Variants in VPS8 observed in about 807,000 individuals in gnomAD.
VPS8 encodes vacuolar protein sorting-associated protein 8 homolog.
In VPS8, 129 loss-of-function variants were observed where a neutral mutation model predicts 216.4. That is an observed-to-expected ratio of 0.60 (90% CI 0.52 to 0.69). VPS8 has a LOEUF of 0.69. Among genes scored for constraint, VPS8 ranks in the 30% least tolerant of loss-of-function variants. VPS8 has a pLI of 0.00. For missense variants in VPS8, 1,531 were observed against 1,683.5 expected (o/e 0.91, Z 1.59); for synonymous variants, 571 against 565.4 (o/e 1.01, Z -0.14).
chr3:184,860,200 CGAGGCTCG>C, intron 15 of VPS8, 135 bp downstream of exon 15: 1 of 761,972 alleles, frequency 1.3e-6, no homozygotes, highest in South Asian at 2.2e-5. Flanking sequence ...AGTCCGGCAC[CGAGGCTCG>C]TGCCTGTAGT....
At chr3:184,937,507 T>C (rs1741852128) in intron 35 of VPS8, among the ~76,000 whole-genome samples, 1 of 152,180 alleles carries the variant, frequency 6.6e-6, no homozygotes, top group African/African-American at 2.4e-5. Flanking sequence ...TTTCTTAAAT[T>C]TTTCCTCTAG....
In VPS8 at chr3:184,930,457, T is replaced by C. The variant is rs1430137193; in HGVS notation, c.2800-13T>C. 6.3e-7 allele frequency: 1 copy of C among 1,584,452 alleles called. No individual in the cohort carries two copies. The highest frequency in any genetic ancestry group is 1.3e-5 in the African/African-American group (1 of 74,232). On this transcript the variant is annotated splice_polypyrimidine_tract_variant and intron_variant, in intron 33 of 47. Transcript: ENST00000625842. ...GAGTGAATGAATAAATTATATTGTC[T>C]TGTGCTCTTCAGGAAGAAGTCTTTA...
intron 46 of VPS8, 91 bp downstream of exon 46, chr3:185,024,480 T>A: frequency 7.7e-7 from 1 of 1,298,874 alleles, no homozygotes; most frequent in Non-Finnish European, 1.1e-6. Context: ...GCAATGATTT[T>A]TAATCATCTT....
chr3:184,817,714 T>G (rs1230166052), intron 1 of VPS8, among the ~76,000 whole-genome samples: 1 of 152,372 alleles, frequency 6.6e-6, no homozygotes, highest in African/African-American at 2.4e-5. Flanking sequence ...ATAGATTTAA[T>G]TTGCAACACA....
At chr3:185,045,573 C>A (rs376688402) in intron 46 of VPS8, among the ~76,000 whole-genome samples, 95 of 152,196 alleles carry the variant, frequency 6.2e-4, no homozygotes, top group Middle Eastern at 3.4e-3. Context: ...GAATTCAAGA[C>A]CAGCCTGACC....
In VPS8 at chr3:184,915,021, C is replaced by T. The variant is rs770745576; in HGVS notation, c.2230C>T (p.Pro744Ser). ...AGRAYPLGDIPEDLVPLVKNQ... is the reference protein window; with the variant it reads ...AGRAYPLGDISEDLVPLVKNQ... ...TCGTGCCTATCCCCTTGGTGACATC[C>T]CTGAAGATCTGGTTCCCTTGGTTAA... Residue 744 changes from proline (P) to serine (S), a missense_variant, in exon 27 of 48, where the codon CCT becomes TCT. By Grantham distance (74) the Pro-to-Ser change is moderately conservative. Transcript: ENST00000625842. The T allele has an allele frequency of 6.2e-7, 1 of 1,613,922 alleles. No homozygotes were observed. The highest frequency in any genetic ancestry group is 8.5e-7 in the Non-Finnish European group (1 of 1,179,864).
chr3:184,837,687 G>A (rs1721370674), intron 5 of VPS8, among the ~76,000 whole-genome samples: 1 of 152,150 alleles, frequency 6.6e-6, no homozygotes, highest in Non-Finnish European at 1.5e-5. Flanking sequence ...GTTAAATAGA[G>A]TCTGTAGAGT....
intron 22 of VPS8, among the ~76,000 whole-genome samples, chr3:184,887,483 T>C (rs1225882400): frequency 1.3e-5 from 2 of 152,186 alleles, no homozygotes; most frequent in Non-Finnish European, 2.9e-5. Context: ...CTAATTTTTG[T>C]AGCAATTTAT....
intron 39 of VPS8, 79 bp from the exon 40 acceptor site, chr3:184,971,567 AAAG>A: frequency 2.0e-6 from 2 of 1,011,146 alleles, no homozygotes; most frequent in South Asian, 1.6e-5. Context: ...ATGCAAAGAA[AAAG>A]AAGTTTAACT....
At chr3:184,988,393 G>A (rs2109808615) in intron 42 of VPS8, among the ~76,000 whole-genome samples, 1 of 152,320 alleles carries the variant, frequency 6.6e-6, no homozygotes, top group South Asian at 2.1e-4. Flanking sequence ...AATATACACA[G>A]TTGGAACTAG....
intron 28 of VPS8, among the ~76,000 whole-genome samples, chr3:184,918,458 A>G (rs144837967): frequency 1.3e-5 from 2 of 152,328 alleles, no homozygotes; most frequent in East Asian, 3.9e-4. Flanking sequence ...AATTAGAAGC[A>G]TTTTTGTGGG....
intron 40 of VPS8, among the ~76,000 whole-genome samples, chr3:184,973,378 T>G (rs1339834839): frequency 2.6e-5 from 4 of 152,214 alleles, no homozygotes; most frequent in Non-Finnish European, 2.9e-5. Flanking sequence ...TGTATATTAC[T>G]CAGCTTCCCA....
intron 8 of VPS8, among the ~76,000 whole-genome samples, chr3:184,848,208 T>C (rs941229503): frequency 1.1e-4 from 17 of 152,108 alleles, no homozygotes; most frequent in Non-Finnish European, 1.6e-4. Context: ...CCACCGTGCC[T>C]AGCCACTTTT....
chr3:184,923,508 TTTC>T lies in VPS8; in HGVS notation c.2455-1349_2455-1347del, dbSNP rs547996571. ...TCTTGCTCTCCCTGCCTTCTGTTTC[TTTC>T]TTCTGTTAATTTTATCCCATGTACT... On this transcript the variant is annotated intron_variant, in intron 29 of 47. Coordinates refer to ENST00000625842, the MANE Select transcript of VPS8 (RefSeq NM_001009921.3). 1.3e-3 allele frequency among the ~76,000 whole-genome samples: 196 copies of T among 152,322 alleles called. 2 individuals carry two copies. The highest frequency in any genetic ancestry group is 1.8e-3 in the Non-Finnish European group (124 of 68,034).
chr3:185,029,459 T>A (rs1238870966), intron 46 of VPS8, among the ~76,000 whole-genome samples: 1 of 152,206 alleles, frequency 6.6e-6, no homozygotes, highest in Non-Finnish European at 1.5e-5. Context: ...TCAGCTAACT[T>A]CCTGGGGCTT....
Position 184,824,713 on chromosome 3 carries a change from C to T in VPS8, c.81C>T (p.Phe27=), listed in dbSNP as rs368981400. ...GCGAAGAAGAGCTGAATAAGTCTTT[C>T]AATCTAGAAGCTTCACTTTCAAAAT... The part of the protein sequence containing the change: ...KTSEEELNKS[F]NLEASLSKFS... The change falls in exon 2 of 48, where the codon TTC becomes TTT. Residue 27 remains phenylalanine (F), a synonymous_variant. Transcript: ENST00000625842. 3 of 1,613,820 alleles carry T rather than the reference C, an allele frequency of 1.9e-6. No individual in the cohort carries two copies. Among genetic ancestry groups the T allele is most frequent in the Non-Finnish European group, 2.5e-6 (3 of 1,179,788 alleles).
At chr3:184,866,464 A>AT (rs1727376019) in intron 16 of VPS8, among the ~76,000 whole-genome samples, 1 of 152,204 alleles carries the variant, frequency 6.6e-6, no homozygotes, top group African/African-American at 2.4e-5. Flanking sequence ...CTCAAAATGG[A>AT]TTTTGATAAT....
chr3:184,980,452 C>T (rs550394788), intron 40 of VPS8, among the ~76,000 whole-genome samples: 1 of 152,102 alleles, frequency 6.6e-6, no homozygotes, highest in African/African-American at 2.4e-5. Context: ...GGTTTGGTGT[C>T]TTTACATAAT....
At chr3:184,920,711 A>G (rs1345506021) in intron 29 of VPS8, among the ~76,000 whole-genome samples, 1 of 152,192 alleles carries the variant, frequency 6.6e-6, no homozygotes, top group Non-Finnish European at 1.5e-5. Flanking sequence ...GCTAATGAAG[A>G]ATGCAGGGAA....
Sources: allele counts gnomAD v4.1 joint callset (sites outside exome capture counted in the v4.1 genomes callset), GRCh38; gene constraint gnomAD v4.1.1; transcripts MANE v1.5; gene names NCBI Gene and HGNC (gene_info 2026-07-23, HGNC 2026-07-21).